The following ARHGEF16 variants were observed in gnomAD, a reference collection of about 807,000 sequenced individuals.
ARHGEF16 encodes Rho guanine exchange factor (GEF) 16.
In ARHGEF16, 59 loss-of-function variants were observed where a neutral mutation model predicts 74.1. The observed-to-expected ratio is 0.80, with a 90% CI of 0.65 to 0.99. ARHGEF16 has a LOEUF of 0.99. Ranked by LOEUF, ARHGEF16 falls within the 50% of genes least tolerant of loss-of-function variation. ARHGEF16 has a pLI of 0.00. For missense variants in ARHGEF16, 948 were observed against 986.6 expected (o/e 0.96, Z 0.52); for synonymous variants, 415 against 412.6 (o/e 1.01, Z -0.07).
At position 3,461,747 on chromosome 1, in the gene ARHGEF16, G is replaced by A. The variant is rs545531435; in HGVS notation, c.-19-1319G>A. On this transcript the variant is annotated intron_variant, in intron 1 of 14. Transcript: ENST00000378378. ...CCTCTGGGCCCGGCTCCTGGAGGCC[G>A]TGTCGGCTGGGGGCTCTGCACATCT... Among the ~76,000 whole-genome samples the A allele has an allele frequency of 2.3e-3, 353 of 152,338 alleles. 1 individual carries two copies. The highest frequency in any genetic ancestry group is 7.7e-3 in the African/African-American group (321 of 41,568).
At chr1:3,470,327 GGTGT>G (rs1161057243) in intron 6 of ARHGEF16, among the ~76,000 whole-genome samples, 1 of 151,124 alleles carries the variant, frequency 6.6e-6, no homozygotes, top group African/African-American at 2.4e-5. Context: ...TGTCTGCACG[GGTGT>G]GTGTGGACAG....
At chr1:3,455,676 G>A (rs920389346) in intron 1 of ARHGEF16, among the ~76,000 whole-genome samples, 6 of 152,142 alleles carry the variant, frequency 3.9e-5, no homozygotes, top group Non-Finnish European at 4.4e-5. Context: ...GGCCTAGGGG[G>A]TGCGTGTGGG....
rs902381659 is a variant in ARHGEF16 at position 3,475,838 on chromosome 1, C to T, written c.1381-132C>T. ...TCACACAGTTGATGAGCCCGTGGCA[C>T]GGCTGGTCCAGGGCAGGCACTGTGG... is the stretch of plus-strand genomic sequence containing the variant. On this transcript the variant is annotated intron_variant, in intron 9 of 14. Coordinates refer to ENST00000378378, the MANE Select transcript of ARHGEF16 (RefSeq NM_014448.4). The T allele has an allele frequency of 3.2e-5, 25 of 771,656 alleles. 1 individual carries two copies. Among genetic ancestry groups the T allele is most frequent in the African/African-American group, 3.2e-4 (18 of 56,352 alleles). 47.8% of individuals were successfully genotyped at this position (771,656 alleles called of 1,614,324 possible). A position where few individuals can be genotyped will look rare whatever the true frequency, so the allele number is the denominator to read the frequency against.
chr1:3,460,872 C>A (rs1639377209), intron 1 of ARHGEF16, among the ~76,000 whole-genome samples: 1 of 152,126 alleles, frequency 6.6e-6, no homozygotes, highest in African/African-American at 2.4e-5. Context: ...GCCGCACGTG[C>A]CTTCCTGGGA....
At chr1:3,477,155 C>A (rs1639901737) in intron 10 of ARHGEF16, among the ~76,000 whole-genome samples, 1 of 151,470 alleles carries the variant, frequency 6.6e-6, no homozygotes, top group South Asian at 2.1e-4. Flanking sequence ...CTGTAGTGGG[C>A]ACAGGTGGGG....
intron 8 of ARHGEF16, 190 bp downstream of exon 8, chr1:3,473,712 G>T: frequency 1.1e-6 from 1 of 944,556 alleles, no homozygotes; most frequent in Non-Finnish European, 1.6e-6. Context: ...CACCCACAGA[G>T]CTCACTGTGC....
At chr1:3,473,667 G>T in intron 8 of ARHGEF16, 145 bp downstream of exon 8, 1 of 1,364,116 alleles carries the variant, frequency 7.3e-7, no homozygotes, top group South Asian at 1.3e-5. Context: ...ATCCTAAGAT[G>T]GCTTTATTAA....
chr1:3,456,884 T>C (rs917732888), intron 1 of ARHGEF16, among the ~76,000 whole-genome samples: 1 of 152,204 alleles, frequency 6.6e-6, no homozygotes, highest in South Asian at 2.1e-4. Flanking sequence ...CTGAACCAGC[T>C]ATGTCCAGGT....
intron 14 of ARHGEF16, 47 bp from the exon 15 acceptor site, chr1:3,480,401 A>G (rs1200316288): frequency 6.2e-7 from 1 of 1,606,360 alleles, no homozygotes. Flanking sequence ...GGGCCGGGGG[A>G]CCCACGGCCT....
At chr1:3,455,492 T>A (rs1001767417) in intron 1 of ARHGEF16, among the ~76,000 whole-genome samples, 3 of 152,082 alleles carry the variant, frequency 2.0e-5, no homozygotes, top group Non-Finnish European at 2.9e-5. Flanking sequence ...CCGCTCAGCC[T>A]CTTTCTGCGT....
intron 10 of ARHGEF16, among the ~76,000 whole-genome samples, chr1:3,477,455 G>A (rs896473066): frequency 6.8e-6 from 1 of 146,492 alleles, no homozygotes; most frequent in Non-Finnish European, 1.5e-5. Flanking sequence ...CAGACGTGGA[G>A]CGTGGCCATC....
intron 3 of ARHGEF16, among the ~76,000 whole-genome samples, chr1:3,466,556 G>A (rs1639550804): frequency 6.6e-6 from 1 of 152,198 alleles, no homozygotes; most frequent in Admixed American, 6.5e-5. Context: ...GCTCTGCCCG[G>A]ACTCTTCGAG....
chr1:3,471,742 CA>C, intron 6 of ARHGEF16: 1 of 1,203,006 alleles, frequency 8.3e-7, no homozygotes, highest in Non-Finnish European at 1.1e-6. Context: ...GGGCCCCCGA[CA>C]GCTCCTGGCA....
In ARHGEF16 at chr1:3,467,156, T is replaced by C; in HGVS notation, c.635-12T>C. Reference sequence around the variant, plus strand: ...CCCCCAGGGCCACAGGTTACCCTCCTTCTCTCTCTAGACCCCCAGCTCTAC... The same window carrying C: ...CCCCCAGGGCCACAGGTTACCCTCCCTCTCTCTCTAGACCCCCAGCTCTAC... On this transcript the variant is annotated splice_polypyrimidine_tract_variant and intron_variant, in intron 3 of 14. Coordinates refer to ENST00000378378, the MANE Select transcript of ARHGEF16 (RefSeq NM_014448.4). 1 of 1,548,222 alleles carries C rather than the reference T, an allele frequency of 6.5e-7. No homozygotes were observed. The highest frequency in any genetic ancestry group is 8.7e-7 in the Non-Finnish European group (1 of 1,145,160).
chr1:3,464,692 G>T (rs1639495747), intron 2 of ARHGEF16, among the ~76,000 whole-genome samples: 2 of 152,200 alleles, frequency 1.3e-5, no homozygotes, highest in Non-Finnish European at 1.5e-5. Flanking sequence ...GGTGCTGTGT[G>T]ACCCAGATGA....
chr1:3,469,656 G>T, intron 6 of ARHGEF16, 63 bp downstream of exon 6: 1 of 1,593,476 alleles, frequency 6.3e-7, no homozygotes, highest in Non-Finnish European at 8.6e-7. Flanking sequence ...CCCCCCGTGG[G>T]CACCGCACTG....
intron 6 of ARHGEF16, among the ~76,000 whole-genome samples, chr1:3,470,143 G>C (rs1415815700): frequency 6.6e-6 from 1 of 151,908 alleles, no homozygotes; most frequent in Non-Finnish European, 1.5e-5. Flanking sequence ...TGGGGTGTCT[G>C]TGCATGGCTG....
intron 1 of ARHGEF16, among the ~76,000 whole-genome samples, chr1:3,455,545 G>A (rs938879375): frequency 6.6e-6 from 1 of 152,176 alleles, no homozygotes; most frequent in Non-Finnish European, 1.5e-5. Flanking sequence ...TTGAGCAGGT[G>A]GGGGGACTGA....
At chr1:3,471,169 A>G (rs1339441924) in intron 6 of ARHGEF16, among the ~76,000 whole-genome samples, 1 of 151,522 alleles carries the variant, frequency 6.6e-6, no homozygotes, top group African/African-American at 2.4e-5. Flanking sequence ...TGTGGTCTCG[A>G]CCCTGTGCTG....
Sources: allele counts gnomAD v4.1 joint callset (sites outside exome capture counted in the v4.1 genomes callset), GRCh38; gene constraint gnomAD v4.1.1; transcripts MANE v1.5; gene names NCBI Gene and HGNC (gene_info 2026-07-23, HGNC 2026-07-21).